The following DOCK1 variants were observed in gnomAD, a reference collection of about 807,000 sequenced individuals.
The protein encoded by DOCK1 is dedicator of cytokinesis protein 1.
DOCK1 carries 138 observed loss-of-function variants against 262.7 expected under a neutral mutation model. That is an observed-to-expected ratio of 0.53 (90% CI 0.46 to 0.61). The LOEUF (loss-of-function observed/expected upper bound fraction) is 0.61, where lower values mean the gene tolerates loss of function less well. Ranked by LOEUF, DOCK1 falls within the 20% of genes least tolerant of loss-of-function variation. DOCK1 has a pLI of 0.00. For missense variants in DOCK1, 1,908 were observed against 2,370.7 expected (o/e 0.80, Z 4.05); for synonymous variants, 866 against 867.4 (o/e 1.00, Z 0.03).
chr10:126,925,517 G>C (rs1444584770), intron 1 of DOCK1, among the ~76,000 whole-genome samples: 2 of 152,138 alleles, frequency 1.3e-5, no homozygotes, highest in East Asian at 3.9e-4. Context: ...CCAAGTAGCT[G>C]GGATTACAGG....
intron 1 of DOCK1, among the ~76,000 whole-genome samples, chr10:126,944,093 A>T (rs1473638726): frequency 3.8e-5 from 3 of 78,918 alleles, no homozygotes; most frequent in Admixed American, 1.8e-4. Context: ...GCAGCCGTGC[A>T]GGGGAGGTGA....
intron 29 of DOCK1, 74 bp downstream of exon 29, chr10:127,257,503 C>A (rs1253018010): frequency 1.5e-6 from 2 of 1,370,900 alleles, no homozygotes; most frequent in Non-Finnish European, 2.0e-6. Context: ...GTGGTGTTGC[C>A]TGGAGACCAA....
At chr10:127,188,306 T>G (rs1180066357) in intron 27 of DOCK1, among the ~76,000 whole-genome samples, 1 of 152,220 alleles carries the variant, frequency 6.6e-6, no homozygotes, top group East Asian at 1.9e-4. Context: ...ACAACATCCA[T>G]TAATTATGGG....
chr10:127,276,761 A>G (rs1249542920), intron 29 of DOCK1, among the ~76,000 whole-genome samples: 1 of 137,902 alleles, frequency 7.3e-6, no homozygotes, highest in Non-Finnish European at 1.7e-5. Flanking sequence ...TATCCCAATT[A>G]CTCTTTGGTC....
At chr10:127,101,430 G>A (rs1407094293) in intron 23 of DOCK1, among the ~76,000 whole-genome samples, 1 of 152,140 alleles carries the variant, frequency 6.6e-6, no homozygotes, top group Non-Finnish European at 1.5e-5. Context: ...TAGCAGATGC[G>A]GGTTCCTCCC....
chr10:127,328,726 C>T (rs887241162), intron 29 of DOCK1, among the ~76,000 whole-genome samples: 1 of 152,066 alleles, frequency 6.6e-6, no homozygotes, highest in Non-Finnish European at 1.5e-5. Flanking sequence ...TTTATTAATG[C>T]CCCACCTACT....
At chr10:127,092,032 A>G (rs1441217839) in intron 23 of DOCK1, among the ~76,000 whole-genome samples, 1 of 152,206 alleles carries the variant, frequency 6.6e-6, no homozygotes, top group East Asian at 1.9e-4. Context: ...AAATTCAAAT[A>G]AAATACAGCT....
chr10:126,974,351 A>G (rs762779757), intron 2 of DOCK1, among the ~76,000 whole-genome samples: 1 of 151,438 alleles, frequency 6.6e-6, no homozygotes, highest in East Asian at 1.9e-4. Context: ...AATTTATTCA[A>G]CTCTTTAAAA....
intron 38 of DOCK1, among the ~76,000 whole-genome samples, chr10:127,385,993 G>A (rs2066094782): frequency 1.3e-5 from 2 of 152,112 alleles, no homozygotes; most frequent in Admixed American, 1.3e-4. Flanking sequence ...AAATATCAGG[G>A]GTTAGGACTT....
rs376637828 is a variant in DOCK1, at chr10:127,220,768, CT to C, written c.2848-27230del. On this transcript the variant is annotated intron_variant, in intron 27 of 51. Coordinates refer to ENST00000623213, the MANE Select transcript of DOCK1 (RefSeq NM_001290223.2). The stretch of plus-strand genomic sequence containing the variant: ...ATCTTCTACCTTTAAAGAATTTGCC[CT>C]TTTTTTTTTCCCTTTAATTGATTTT... Among the ~76,000 whole-genome samples, 1,121 of 149,418 alleles carry C rather than the reference CT, an allele frequency of 7.5e-3. 6 individuals carry two copies. Among genetic ancestry groups the C allele is most frequent in the African/African-American group, 0.017 (707 of 40,728 alleles).
chr10:127,410,765 G>T (rs1273117722), intron 42 of DOCK1, 75 bp from the exon 43 acceptor site: 5 of 1,398,592 alleles, frequency 3.6e-6, no homozygotes, highest in East Asian at 2.4e-5. Flanking sequence ...ATGTTCTAAG[G>T]CCAGACCCCG....
chr10:127,042,601 A>T, intron 19 of DOCK1, 24 bp from the exon 20 acceptor site: 1 of 1,610,570 alleles, frequency 6.2e-7, no homozygotes, highest in Non-Finnish European at 8.5e-7. Context: ...TCACATTGTC[A>T]CCCGACCTTC....
At chr10:127,150,150 T>C (rs1030659763) in intron 27 of DOCK1, among the ~76,000 whole-genome samples, 1 of 152,210 alleles carries the variant, frequency 6.6e-6, no homozygotes, top group African/African-American at 2.4e-5. Context: ...TCCGAGATGC[T>C]GTGGCCACCC....
At chr10:127,095,706 A>G (rs908925523) in intron 23 of DOCK1, among the ~76,000 whole-genome samples, 1 of 151,096 alleles carries the variant, frequency 6.6e-6, no homozygotes, top group African/African-American at 2.5e-5. Flanking sequence ...ATTAATGGAC[A>G]GGATCCAGAG....
chr10:127,438,079 GC>G (rs2069820019), intron 48 of DOCK1, among the ~76,000 whole-genome samples: 1 of 152,170 alleles, frequency 6.6e-6, no homozygotes, highest in Non-Finnish European at 1.5e-5. Flanking sequence ...GCGGGCCCAT[GC>G]CTTCATCCAT....
At chr10:127,322,390 ATG>A (rs2062574090) in intron 29 of DOCK1, among the ~76,000 whole-genome samples, 1 of 149,022 alleles carries the variant, frequency 6.7e-6, no homozygotes, top group African/African-American at 2.6e-5. Flanking sequence ...GGGTTTCCCC[ATG>A]TTAGCCAGGC....
intron 29 of DOCK1, among the ~76,000 whole-genome samples, chr10:127,320,941 C>T: frequency 6.6e-6 from 1 of 151,948 alleles, no homozygotes; most frequent in East Asian, 1.9e-4. Flanking sequence ...TTTTGTCCTT[C>T]ACAGCCAGAC....
At chr10:127,390,669 C>A (rs1035042948) in intron 38 of DOCK1, among the ~76,000 whole-genome samples, 1 of 152,054 alleles carries the variant, frequency 6.6e-6, no homozygotes, top group African/African-American at 2.4e-5. Context: ...GAATCCTGGC[C>A]TCCAGAACAG....
chr10:127,364,118 G>A (rs2064754206), intron 33 of DOCK1, among the ~76,000 whole-genome samples: 1 of 152,146 alleles, frequency 6.6e-6, no homozygotes, highest in Non-Finnish European at 1.5e-5. Context: ...TGCAGGGTGA[G>A]CCCCCAGTGT....
Sources: allele counts gnomAD v4.1 joint callset (sites outside exome capture counted in the v4.1 genomes callset), GRCh38; gene constraint gnomAD v4.1.1; transcripts MANE v1.5; gene names NCBI Gene and HGNC (gene_info 2026-07-23, HGNC 2026-07-21).